TMEM131L: variants seen among roughly 807,000 people sequenced by gnomAD.
TMEM131L encodes transmembrane 131 like, also known as transmembrane protein 131-like.
Under a neutral mutation model 192.2 loss-of-function variants are expected in TMEM131L, and 54 were observed. The ratio of observed to expected loss-of-function variants is 0.28; its 90% confidence interval spans 0.23 to 0.35. The LOEUF is 0.35. Ranked by LOEUF, TMEM131L falls within the 10% of genes least tolerant of loss-of-function variation. The pLI is 1.00. For synonymous variants in TMEM131L, 701 were observed against 704.9 expected, an observed-to-expected ratio of 0.99 and a Z score of 0.09; for missense variants, 1,888 against 1,972.9, an observed-to-expected ratio of 0.96 and a Z score of 0.82.
intron 3 of TMEM131L, among the ~76,000 whole-genome samples, chr4:153,500,220 C>CCT (rs1420040253): frequency 6.6e-6 from 1 of 152,118 alleles, no homozygotes; most frequent in Non-Finnish European, 1.5e-5. Flanking sequence ...CCTGCCTCAG[C>CCT]CTCCCATATA....
chr4:153,606,287 T>G (rs17030220), intron 25 of TMEM131L, among the ~76,000 whole-genome samples: 7,505 of 152,294 alleles, frequency 0.049, 369 homozygotes, highest in East Asian at 0.2. Flanking sequence ...AGGATGACTT[T>G]GCACACACTT....
intron 9 of TMEM131L, 69 bp from the exon 10 acceptor site, chr4:153,583,119 TGA>T (rs1730473917): frequency 1.3e-6 from 1 of 785,480 alleles, no homozygotes; most frequent in African/African-American, 1.7e-5. Flanking sequence ...TATGAAGGTG[TGA>T]GAATGAGATG....
At chr4:153,533,101 C>T (rs1450543522) in intron 3 of TMEM131L, among the ~76,000 whole-genome samples, 1 of 151,934 alleles carries the variant, frequency 6.6e-6, no homozygotes, top group Non-Finnish European at 1.5e-5. Context: ...ATTTTCCTGC[C>T]TCAGCTTCCC....
At chr4:153,556,095 G>C (rs1341734513) in intron 5 of TMEM131L, among the ~76,000 whole-genome samples, 185 bp downstream of exon 5, 2 of 124,208 alleles carry the variant, frequency 1.6e-5, no homozygotes, top group Non-Finnish European at 3.2e-5. Flanking sequence ...AATTTTGGTG[G>C]CTCTTGATAT....
chr4:153,553,188 A>C (rs10011706), intron 4 of TMEM131L, among the ~76,000 whole-genome samples: 25,647 of 152,118 alleles, frequency 0.17, 2,234 homozygotes, highest in African/African-American at 0.18. Context: ...AAGTGTAATC[A>C]TGTCCGTTGT....
intron 2 of TMEM131L, among the ~76,000 whole-genome samples, chr4:153,468,375 A>G (rs1730916639): frequency 6.7e-6 from 1 of 150,216 alleles, no homozygotes; most frequent in African/African-American, 2.5e-5. Context: ...CTTTTGAGAA[A>G]GGGCCCCATC....
intron 3 of TMEM131L, among the ~76,000 whole-genome samples, chr4:153,501,352 C>T (rs1733595495): frequency 6.6e-6 from 1 of 152,016 alleles, no homozygotes; most frequent in Non-Finnish European, 1.5e-5. Context: ...AGGCGCGTGC[C>T]ACCACACCCG....
chr4:153,620,994 A>C (rs1417307376), intron 27 of TMEM131L, 114 bp downstream of exon 27: 1 of 703,758 alleles, frequency 1.4e-6, no homozygotes, highest in Non-Finnish European at 2.4e-6. Context: ...ATAATATGAG[A>C]GTGTAAATGT....
intron 5 of TMEM131L, 143 bp from the exon 6 acceptor site, chr4:153,556,823 G>T (rs1353146104): frequency 2.1e-5 from 12 of 576,718 alleles, no homozygotes; most frequent in African/African-American, 4.3e-5. Context: ...TCAGTTTGGG[G>T]ATTCTTAGGG....
chr4:153,619,280 T>A (rs1317521101), intron 26 of TMEM131L, among the ~76,000 whole-genome samples: 1 of 152,110 alleles, frequency 6.6e-6, no homozygotes, highest in East Asian at 1.9e-4. Flanking sequence ...TGCTGGCCCT[T>A]GAGTGGACGG....
intron 3 of TMEM131L, among the ~76,000 whole-genome samples, chr4:153,549,548 A>C (rs1164114677): frequency 6.6e-5 from 10 of 152,206 alleles, no homozygotes; most frequent in African/African-American, 2.4e-4. Flanking sequence ...ACTATGAAGG[A>C]AAATGAAATC....
rs1730752983 is a variant in TMEM131L at position 153,466,488 on chromosome 4, C to T, written c.91C>T (p.Pro31Ser). 1.4e-6 allele frequency: 2 copies of T among 1,415,896 alleles called. No individual in the cohort carries two copies. The highest frequency in any genetic ancestry group is 1.9e-6 in the Non-Finnish European group (2 of 1,076,016). The allele number at this position is 1,415,896 out of a possible 1,614,324, so 87.7% of individuals were successfully genotyped here. ...LLLGVFQVLL[P>S]CCRPGGAQGQ... ...GCTGGGCGTCTTCCAGGTCCTGCTG[C>T]CCTGCTGTCGCCCGGGAGGGGCTCA... Residue 31 changes from proline to serine, a missense_variant, in exon 1 of 35, where the codon CCC becomes TCC. Coordinates refer to ENST00000409959, the MANE Select transcript of TMEM131L (RefSeq NM_001131007.2).
At chr4:153,617,232 G>A (rs1465166510) in intron 26 of TMEM131L, among the ~76,000 whole-genome samples, 2 of 152,154 alleles carry the variant, frequency 1.3e-5, no homozygotes, top group African/African-American at 2.4e-5. Flanking sequence ...TGTGAGACCT[G>A]CCTTTCACCT....
At chr4:153,625,723 C>A (rs1733796158) in intron 29 of TMEM131L, among the ~76,000 whole-genome samples, 1 of 152,096 alleles carries the variant, frequency 6.6e-6, no homozygotes, top group African/African-American at 2.4e-5. Flanking sequence ...CCCTGGCCAA[C>A]ATGGCAAAAC....
At chr4:153,485,779 A>G (rs1732290282) in intron 3 of TMEM131L, among the ~76,000 whole-genome samples, 1 of 152,244 alleles carries the variant, frequency 6.6e-6, no homozygotes, top group Non-Finnish European at 1.5e-5. Flanking sequence ...ATGTTAATCC[A>G]CTTAATCCAT....
At chr4:153,517,080 C>T (rs994823462) in intron 3 of TMEM131L, among the ~76,000 whole-genome samples, 1 of 152,214 alleles carries the variant, frequency 6.6e-6, no homozygotes, top group African/African-American at 2.4e-5. Context: ...CCACCTCGGC[C>T]TCCCGGAGTG....
At chr4:153,592,022 G>T (rs1731101932) in intron 17 of TMEM131L, among the ~76,000 whole-genome samples, 1 of 152,072 alleles carries the variant, frequency 6.6e-6, no homozygotes, top group African/African-American at 2.4e-5. Context: ...CTTTCAGTGT[G>T]AATTATTTAA....
intron 4 of TMEM131L, among the ~76,000 whole-genome samples, chr4:153,552,954 T>C (rs988507929): frequency 7.2e-5 from 11 of 151,958 alleles, no homozygotes; most frequent in Non-Finnish European, 1.6e-4. Flanking sequence ...TGTTTTTTTT[T>C]TTCCCTCAAA....
At chr4:153,564,270 C>CA (rs112972398) in intron 7 of TMEM131L, among the ~76,000 whole-genome samples, 1 of 124,742 alleles carries the variant, frequency 8.0e-6, no homozygotes, top group African/African-American at 3.1e-5. Context: ...GCCTGGGAGA[C>CA]GAGCAAAACT....
Sources: gnomAD v4.1 joint callset for allele counts (sites outside exome capture counted in the v4.1 genomes callset) on GRCh38, gnomAD v4.1.1 for gene constraint, MANE v1.5 for transcripts, NCBI Gene and HGNC (gene_info 2026-07-23, HGNC 2026-07-21) for gene names.